Variants in ARL15 observed in about 807,000 individuals in gnomAD.
ARL15 encodes ARF like GTPase 15, also known as ADP-ribosylation factor-like protein 15.
A neutral mutation model predicts 25.2 loss-of-function variants in ARL15; 19 were observed. The ratio of observed to expected loss-of-function variants is 0.75; its 90% confidence interval spans 0.53 to 1.10. The LOEUF (loss-of-function observed/expected upper bound fraction) is 1.10. ARL15 is among the 50% of genes least tolerant of loss of function. The probability of loss-of-function intolerance (pLI) is 0.00; values close to 1 mark genes in which losing one functional copy is unlikely to be tolerated. For synonymous variants in ARL15, 94 were observed against 86.8 expected (o/e 1.08, Z -0.46); for missense variants, 220 against 246.0 (o/e 0.89, Z 0.71).
At chr5:54,125,702 T>C (rs1311881880) in intron 3 of ARL15, among the ~76,000 whole-genome samples, 2 of 152,228 alleles carry the variant, frequency 1.3e-5, no homozygotes, top group Admixed American at 6.5e-5. Flanking sequence ...GTGGAACTGC[T>C]GGGTCAAATG....
intron 4 of ARL15, among the ~76,000 whole-genome samples, chr5:53,970,847 G>A (rs1747729015): frequency 6.6e-6 from 1 of 152,168 alleles, no homozygotes; most frequent in Non-Finnish European, 1.5e-5. Flanking sequence ...CATTCCTTCT[G>A]AATAAATGAA....
chr5:54,274,112 T>G (rs3776651), intron 1 of ARL15, among the ~76,000 whole-genome samples: 23,218 of 151,940 alleles, frequency 0.15, 2,246 homozygotes, highest in East Asian at 0.41. Flanking sequence ...TGCTGTAGAT[T>G]GAGTCTAGTT....
chr5:54,278,547 T>C (rs1757977388), intron 1 of ARL15, among the ~76,000 whole-genome samples: 1 of 152,246 alleles, frequency 6.6e-6, no homozygotes, highest in South Asian at 2.1e-4. Flanking sequence ...TCTCCTGTGC[T>C]GTACTCATAG....
chr5:54,033,812 C>T (rs1750081744), intron 4 of ARL15, among the ~76,000 whole-genome samples: 1 of 151,916 alleles, frequency 6.6e-6, no homozygotes, highest in Admixed American at 6.6e-5. Flanking sequence ...CAAATATTTA[C>T]AAGGACTGTC....
intron 3 of ARL15, among the ~76,000 whole-genome samples, chr5:54,128,920 C>T (rs572488781): frequency 1.4e-4 from 21 of 152,020 alleles, no homozygotes; most frequent in Middle Eastern, 3.4e-3. Context: ...TTAGCCAGGA[C>T]GGTCTCGATT....
chr5:53,975,229 G>A (rs1357350295), intron 4 of ARL15, among the ~76,000 whole-genome samples: 1 of 152,124 alleles, frequency 6.6e-6, no homozygotes, highest in African/African-American at 2.4e-5. Flanking sequence ...ACAAGAAATA[G>A]GTGGGCAGAA....
chr5:54,281,250 C>T (rs1758057894), intron 1 of ARL15, among the ~76,000 whole-genome samples: 1 of 152,100 alleles, frequency 6.6e-6, no homozygotes. Context: ...AGCGATTCTC[C>T]TGCCTCAGCC....
intron 1 of ARL15, among the ~76,000 whole-genome samples, chr5:54,238,502 C>T (rs1437527100): frequency 6.6e-6 from 1 of 152,104 alleles, no homozygotes. Flanking sequence ...GCAGGATGCC[C>T]CTTTCTTCCT....
At chr5:54,278,515 A>G (rs1757976979) in intron 1 of ARL15, among the ~76,000 whole-genome samples, 1 of 152,244 alleles carries the variant, frequency 6.6e-6, no homozygotes, top group Non-Finnish European at 1.5e-5. Context: ...ATACATCCCT[A>G]CATTACATTA....
chr5:53,916,389 C>T (rs1745647886), intron 4 of ARL15, among the ~76,000 whole-genome samples: 1 of 151,494 alleles, frequency 6.6e-6, no homozygotes, highest in Admixed American at 6.6e-5. Flanking sequence ...ATTTGAAGTA[C>T]CAATTGGGTA....
chr5:53,996,338 GC>G, intron 4 of ARL15, among the ~76,000 whole-genome samples: 1 of 150,222 alleles, frequency 6.7e-6, no homozygotes, highest in East Asian at 2.0e-4. Flanking sequence ...ACCCCTTCAG[GC>G]TGGGTGCAGT....
At chr5:53,886,974 G>A (rs1171504847) in intron 4 of ARL15, among the ~76,000 whole-genome samples, 1 of 152,154 alleles carries the variant, frequency 6.6e-6, no homozygotes, top group Non-Finnish European at 1.5e-5. Context: ...AGCGTGGGAG[G>A]TCTGATGAAG....
intron 4 of ARL15, among the ~76,000 whole-genome samples, chr5:53,945,614 T>C (rs2112098638): frequency 6.6e-6 from 1 of 152,274 alleles, no homozygotes; most frequent in African/African-American, 2.4e-5. Flanking sequence ...GCAAACACCA[T>C]ACATTAAAAA....
At chr5:53,977,264 G>C (rs1171515326) in intron 4 of ARL15, among the ~76,000 whole-genome samples, 1 of 150,996 alleles carries the variant, frequency 6.6e-6, no homozygotes, top group Non-Finnish European at 1.5e-5. Context: ...GCTGAGGCAG[G>C]AGAATGGCGT....
chr5:53,914,615 G>T (rs1745574712), intron 4 of ARL15, among the ~76,000 whole-genome samples: 1 of 152,154 alleles, frequency 6.6e-6, no homozygotes, highest in African/African-American at 2.4e-5. Context: ...TCAAGGCTCA[G>T]AGAGCTTTGC....
intron 1 of ARL15, among the ~76,000 whole-genome samples, chr5:54,260,135 G>T (rs1024913139): frequency 6.6e-6 from 1 of 152,166 alleles, no homozygotes; most frequent in South Asian, 2.1e-4. Context: ...CCATCCTAGC[G>T]TGAGGTATAC....
intron 4 of ARL15, among the ~76,000 whole-genome samples, chr5:54,044,271 T>C (rs1040681648): frequency 7.3e-6 from 1 of 136,590 alleles, no homozygotes; most frequent in Admixed American, 7.8e-5. Flanking sequence ...TGAGACAGAG[T>C]CTTATTCTGT....
chr5:53,895,797 A>G (rs1744852677), intron 4 of ARL15, among the ~76,000 whole-genome samples: 1 of 152,202 alleles, frequency 6.6e-6, no homozygotes, highest in African/African-American at 2.4e-5. Context: ...TCCATTTATA[A>G]GTTTAATATA....
intron 1 of ARL15, among the ~76,000 whole-genome samples, chr5:54,199,097 T>C (rs1755639579): frequency 6.6e-6 from 1 of 152,072 alleles, no homozygotes; most frequent in Non-Finnish European, 1.5e-5. Flanking sequence ...TAGCCATATG[T>C]AGAAAGCTGA....
Sources: allele counts gnomAD v4.1 joint callset (sites outside exome capture counted in the v4.1 genomes callset), GRCh38; gene constraint gnomAD v4.1.1; transcripts MANE v1.5; gene names NCBI Gene and HGNC (gene_info 2026-07-23, HGNC 2026-07-21).